Variants in TYW1 observed in about 807,000 individuals in gnomAD.
TYW1 encodes the protein tRNA-yW synthesizing protein 1 homolog.
Under a neutral mutation model 96.2 loss-of-function variants are expected in TYW1, and 46 were observed. The observed-to-expected ratio is 0.48, with a 90% confidence interval of 0.38 to 0.61. TYW1 has a LOEUF of 0.61. Among genes scored for constraint, TYW1 ranks in the 20% least tolerant of loss-of-function variants. The probability of loss-of-function intolerance (pLI) is 0.00; values close to 1 mark genes in which losing one functional copy is unlikely to be tolerated. For missense variants in TYW1, 684 were observed against 909.6 expected, an observed-to-expected ratio of 0.75 and a Z score of 3.19; for synonymous variants, 274 against 323.0, an observed-to-expected ratio of 0.85 and a Z score of 1.63.
chr7:67,132,671 TCTTTCCC>T (rs67190163), intron 13 of TYW1, among the ~76,000 whole-genome samples: 41,598 of 151,468 alleles, frequency 0.27, 6,493 homozygotes, highest in African/African-American at 0.43. Context: ...ATCTCCCCAT[TCTTTCCC>T]CCAAACTATG....
intron 13 of TYW1, among the ~76,000 whole-genome samples, chr7:67,179,313 A>G (rs1799768830): frequency 7.4e-6 from 1 of 135,634 alleles, no homozygotes; most frequent in South Asian, 2.4e-4. Context: ...CTATCTTGGG[A>G]TCACCTTAGT....
At chr7:67,170,985 G>C (rs1467880807) in intron 13 of TYW1, among the ~76,000 whole-genome samples, 1 of 152,046 alleles carries the variant, frequency 6.6e-6, no homozygotes, top group Non-Finnish European at 1.5e-5. Flanking sequence ...GGAAGAGTTT[G>C]AGAATATTCT....
At chr7:67,104,215 C>G (rs567041331) in intron 12 of TYW1, among the ~76,000 whole-genome samples, 1 of 152,014 alleles carries the variant, frequency 6.6e-6, no homozygotes, top group East Asian at 1.9e-4. Flanking sequence ...AGTCTGTTCT[C>G]GCATTGCCAT....
Position 67,179,912 on chromosome 7 carries a change from T to TG in TYW1, c.1699-3212dup, listed in dbSNP as rs371688095. On this transcript the variant is annotated intron_variant, in intron 13 of 15. Transcript: ENST00000359626. Reference sequence around the variant, plus strand: ...CAGGGTCTTGCTGTGTCACCCAGGCTGGAGTGCGTTGGTGTGATCATGGCT... The same window carrying TG: ...CAGGGTCTTGCTGTGTCACCCAGGCTGGGAGTGCGTTGGTGTGATCATGGCT... Among the ~76,000 whole-genome samples the TG allele has an allele frequency of 4.9e-4, 49 of 99,424 alleles. 13 individuals carry two copies. Among genetic ancestry groups the TG allele is most frequent in the African/African-American group, 2.3e-3 (49 of 21,144 alleles). The allele number at this position is 99,424 out of a possible 152,430, so 65.2% of individuals were successfully genotyped here. A position where few individuals can be genotyped will look rare whatever the true frequency, so the allele number is the denominator to read the frequency against.
rs544768923 is a variant in TYW1, at chr7:67,238,907, G to C, written c.*378G>C. The C allele has an allele frequency of 9.4e-5, 99 of 1,048,126 alleles. No homozygotes were observed. The highest frequency in any genetic ancestry group is 7.7e-5 in the Non-Finnish European group (67 of 866,500). The allele number at this position is 1,048,126 out of a possible 1,614,324, so 64.9% of individuals were successfully genotyped here. On this transcript the variant is annotated 3_prime_UTR_variant, in exon 16 of 16. Transcript: ENST00000359626. ...GTCCCTGGGCCTCTTCCCCTTACCC[G>C]GCCCTTAGATTTCATGGAGCAGCCA... is the stretch of plus-strand genomic sequence containing the variant.
intron 10 of TYW1, among the ~76,000 whole-genome samples, chr7:67,080,020 A>G (rs1796332147): frequency 1.3e-5 from 2 of 152,192 alleles, no homozygotes; most frequent in Non-Finnish European, 2.9e-5. Flanking sequence ...AGAATATTTT[A>G]TGTATGGATG....
intron 13 of TYW1, among the ~76,000 whole-genome samples, chr7:67,178,837 T>C (rs1272977665): frequency 1.4e-5 from 2 of 144,240 alleles, no homozygotes; most frequent in African/African-American, 5.4e-5. Flanking sequence ...TTTGTGATAA[T>C]CCCTGGAGTT....
chr7:67,029,437 A>ATATATATATATATATATATATATATAT (rs746024597), intron 7 of TYW1, among the ~76,000 whole-genome samples: 3 of 146,560 alleles, frequency 2.0e-5, no homozygotes, highest in African/African-American at 7.5e-5. Context: ...ATATATAAAT[A>ATATATATATATATATATATATATATAT]GTATTTTCTA....
intron 4 of TYW1, among the ~76,000 whole-genome samples, chr7:67,012,545 A>G (rs1013912261): frequency 1.3e-5 from 2 of 152,178 alleles, no homozygotes; most frequent in African/African-American, 4.8e-5. Context: ...CTTTGATATT[A>G]CTTATAACTT....
chr7:67,136,673 G>A (rs6951029), intron 13 of TYW1, among the ~76,000 whole-genome samples: 1 of 115,254 alleles, frequency 8.7e-6, no homozygotes, highest in Admixed American at 8.2e-5. Flanking sequence ...GTGTGTGTGT[G>A]TGTGTGTGTG....
At chr7:67,116,377 A>T (rs1797594937) in intron 12 of TYW1, among the ~76,000 whole-genome samples, 1 of 151,828 alleles carries the variant, frequency 6.6e-6, no homozygotes, top group East Asian at 1.9e-4. Context: ...TCTAGGTTTA[A>T]TGTAGAACTT....
intron 12 of TYW1, among the ~76,000 whole-genome samples, chr7:67,108,693 T>C (rs556277185): frequency 2.0e-5 from 3 of 152,100 alleles, no homozygotes; most frequent in South Asian, 4.2e-4. Context: ...TTGCCCGCCT[T>C]GGCCTCCCAA....
intron 12 of TYW1, among the ~76,000 whole-genome samples, chr7:67,110,539 C>G (rs903893221): frequency 1.3e-5 from 2 of 152,152 alleles, no homozygotes; most frequent in African/African-American, 4.8e-5. Context: ...TGGCCAAACA[C>G]AACAATGAAT....
chr7:67,012,488 G>A (rs936448458), intron 4 of TYW1, among the ~76,000 whole-genome samples: 4 of 152,108 alleles, frequency 2.6e-5, no homozygotes, highest in African/African-American at 7.2e-5. Flanking sequence ...GTGCACATGA[G>A]TGAGCTTGAA....
chr7:67,155,380 C>T (rs558763719), intron 13 of TYW1, among the ~76,000 whole-genome samples: 12 of 152,234 alleles, frequency 7.9e-5, no homozygotes, highest in East Asian at 5.8e-4. Context: ...TCTCCTCCTT[C>T]GCTCTTGCTC....
chr7:67,182,608 A>G (rs981810637), intron 13 of TYW1, among the ~76,000 whole-genome samples: 1 of 152,152 alleles, frequency 6.6e-6, no homozygotes, highest in African/African-American at 2.4e-5. Flanking sequence ...TTGTGGTTAT[A>G]TGGCACACAA....
intron 13 of TYW1, among the ~76,000 whole-genome samples, chr7:67,172,304 T>C (rs1186943116): frequency 6.6e-6 from 1 of 151,886 alleles, no homozygotes; most frequent in African/African-American, 2.4e-5. Flanking sequence ...AATTAACGTT[T>C]ATATCATTTT....
intron 3 of TYW1, among the ~76,000 whole-genome samples, chr7:67,004,601 A>G (rs1435735631): frequency 6.6e-6 from 1 of 152,168 alleles, no homozygotes; most frequent in Non-Finnish European, 1.5e-5. Flanking sequence ...GCCCATAACA[A>G]TTTTTCCTTT....
chr7:67,177,391 G>A (rs78274775), intron 13 of TYW1, among the ~76,000 whole-genome samples: 41,595 of 150,286 alleles, frequency 0.28, 6,275 homozygotes, highest in African/African-American at 0.4. Context: ...AAAGTTAGGA[G>A]TTCTTATTGA....
Sources: gnomAD v4.1 joint callset for allele counts (sites outside exome capture counted in the v4.1 genomes callset) on GRCh38, gnomAD v4.1.1 for gene constraint, MANE v1.5 for transcripts, NCBI Gene and HGNC (gene_info 2026-07-23, HGNC 2026-07-21) for gene names.